Variants in RGS6 observed in about 807,000 individuals in gnomAD.
RGS6 encodes the protein regulator of G protein signaling 6, also known as regulator of G-protein signaling 6.
Under a neutral mutation model 78.5 loss-of-function variants are expected in RGS6, and 30 were observed. The ratio of observed to expected loss-of-function variants is 0.38; its 90% CI spans 0.29 to 0.52. The LOEUF is 0.52. Ranked by LOEUF, RGS6 falls within the 20% of genes least tolerant of loss-of-function variation. The pLI, the probability that RGS6 is intolerant of heterozygous loss-of-function variation, is 0.85. For missense variants in RGS6, 495 were observed against 609.7 expected, an observed-to-expected ratio of 0.81 and a Z score of 1.98; for synonymous variants, 206 against 206.0, an observed-to-expected ratio of 1.00 and a Z score of 0.00.
intron 12 of RGS6, among the ~76,000 whole-genome samples, chr14:72,487,496 A>G (rs769626279): frequency 1.3e-5 from 2 of 152,224 alleles, no homozygotes; most frequent in Admixed American, 1.3e-4. Flanking sequence ...TCACCTTAAA[A>G]TAGAGAGATT....
intron 14 of RGS6, among the ~76,000 whole-genome samples, chr14:72,517,169 C>T (rs1157647342): frequency 6.6e-6 from 1 of 151,158 alleles, no homozygotes; most frequent in Non-Finnish European, 1.5e-5. Context: ...GTACATCTTA[C>T]TTTGGATGAA....
chr14:72,150,185 G>A (rs1172342604), intron 2 of RGS6, among the ~76,000 whole-genome samples: 1 of 152,150 alleles, frequency 6.6e-6, no homozygotes, highest in Non-Finnish European at 1.5e-5. Flanking sequence ...TTAAGAAATT[G>A]AGAAGGCACA....
Position 71,936,857 on chromosome 14 carries a change from G to A in RGS6, c.-21+3916G>A, listed in dbSNP as rs151229965. Reference sequence around the variant, plus strand: ...TGTTTCTGCAGCTGGTCACATGGTCGTAGCTGGTATTGATGACTACCTTCT... The same window carrying A: ...TGTTTCTGCAGCTGGTCACATGGTCATAGCTGGTATTGATGACTACCTTCT... On this transcript the variant is annotated intron_variant, in intron 1 of 17. Coordinates refer to ENST00000553525, the MANE Select transcript of RGS6 (RefSeq NM_001204424.2). 3.1e-3 allele frequency among the ~76,000 whole-genome samples: 471 copies of A among 152,312 alleles called. 8 individuals are homozygous for A. The highest frequency in any genetic ancestry group is 0.011 in the African/African-American group (451 of 41,576).
upstream of RGS6, among the ~76,000 whole-genome samples, chr14:71,929,512 C>T (rs1319300424): frequency 6.6e-6 from 1 of 152,048 alleles, no homozygotes; most frequent in East Asian, 1.9e-4. Context: ...AAAATTTTAC[C>T]AGTCGATTAA....
intron 17 of RGS6, chr14:72,553,419 C>A (rs2097532222): frequency 6.6e-6 from 1 of 152,596 alleles, no homozygotes; most frequent in Non-Finnish European, 1.5e-5. Context: ...AGAAGGTGTT[C>A]CAAAATCCAA....
intron 2 of RGS6, among the ~76,000 whole-genome samples, chr14:72,176,992 G>A (rs911181915): frequency 6.6e-6 from 1 of 152,080 alleles, no homozygotes; most frequent in Non-Finnish European, 1.5e-5. Context: ...AATGATATGT[G>A]TACTTTTTTG....
chr14:72,200,696 C>T (rs970360009), intron 2 of RGS6, among the ~76,000 whole-genome samples: 6 of 152,112 alleles, frequency 3.9e-5, no homozygotes, highest in Admixed American at 2.0e-4. Flanking sequence ...GTCTACCTCA[C>T]CTCAAAAGCC....
At chr14:71,948,967 ATTGT>A (rs1340882529) in intron 1 of RGS6, among the ~76,000 whole-genome samples, 9 of 152,070 alleles carry the variant, frequency 5.9e-5, no homozygotes, top group African/African-American at 1.4e-4. Context: ...TATGCACAAC[ATTGT>A]TTGTGAAATT....
At chr14:72,139,862 C>A (rs892762716) in intron 2 of RGS6, among the ~76,000 whole-genome samples, 2 of 151,886 alleles carry the variant, frequency 1.3e-5, no homozygotes, top group Admixed American at 6.6e-5. Flanking sequence ...TCTTGGTATT[C>A]TGTGCCTACA....
chr14:71,988,304 T>C (rs565178957), intron 2 of RGS6, among the ~76,000 whole-genome samples: 14 of 152,260 alleles, frequency 9.2e-5, no homozygotes, highest in African/African-American at 3.1e-4. Context: ...GAAACAAAAG[T>C]CTCCTATGGC....
At chr14:72,337,863 C>T (rs1366237577) in intron 2 of RGS6, among the ~76,000 whole-genome samples, 1 of 152,224 alleles carries the variant, frequency 6.6e-6, no homozygotes, top group Non-Finnish European at 1.5e-5. Context: ...TACAGTCCAT[C>T]AAATGCTTCC....
chr14:72,617,742 C>A, the RGS6 span, among the ~76,000 whole-genome samples: 4 of 152,160 alleles, frequency 2.6e-5, no homozygotes, highest in African/African-American at 9.7e-5. Context: ...ACAAATACTG[C>A]GGCCGGGCAG....
chr14:72,036,206 T>G (rs1305088483), intron 2 of RGS6, among the ~76,000 whole-genome samples: 5 of 149,934 alleles, frequency 3.3e-5, no homozygotes, highest in African/African-American at 1.2e-4. Flanking sequence ...AAACATATTA[T>G]TATTATTATT....
chr14:71,909,068 T>C, the RGS6 span, among the ~76,000 whole-genome samples: 1 of 152,100 alleles, frequency 6.6e-6, no homozygotes, highest in East Asian at 1.9e-4. Context: ...TGGGCTTAGG[T>C]TGAAGGATTA....
chr14:72,282,981 T>C (rs926360173), intron 2 of RGS6, among the ~76,000 whole-genome samples: 1 of 152,194 alleles, frequency 6.6e-6, no homozygotes, highest in African/African-American at 2.4e-5. Flanking sequence ...TCTGCTTCTA[T>C]GGTTTTGACT....
chr14:72,070,015 CT>C (rs928448205), intron 2 of RGS6, among the ~76,000 whole-genome samples: 3 of 152,124 alleles, frequency 2.0e-5, no homozygotes, highest in Non-Finnish European at 4.4e-5. Flanking sequence ...GGCAAACTGT[CT>C]TGGATTTTGT....
At chr14:72,167,231 C>T (rs951125638) in intron 2 of RGS6, among the ~76,000 whole-genome samples, 1 of 152,188 alleles carries the variant, frequency 6.6e-6, no homozygotes. Context: ...GGCCTCAGCT[C>T]CTAGCTGACT....
intron 14 of RGS6, among the ~76,000 whole-genome samples, chr14:72,517,248 C>T (rs896538706): frequency 6.6e-6 from 1 of 152,188 alleles, no homozygotes; most frequent in Non-Finnish European, 1.5e-5. Context: ...GCTTGTCCCT[C>T]CCTTTCTGTT....
intron 3 of RGS6, among the ~76,000 whole-genome samples, chr14:72,386,354 A>G (rs960067554): frequency 6.6e-6 from 1 of 152,148 alleles, no homozygotes; most frequent in African/African-American, 2.4e-5. Flanking sequence ...CCTGGACAAC[A>G]CGGTGAAACC....
Sources: allele counts gnomAD v4.1 joint callset (sites outside exome capture counted in the v4.1 genomes callset), GRCh38; gene constraint gnomAD v4.1.1; transcripts MANE v1.5; gene names NCBI Gene and HGNC (gene_info 2026-07-23, HGNC 2026-07-21).